PCGF3: variants seen among roughly 807,000 people sequenced by gnomAD.
PCGF3 encodes the protein polycomb group ring finger 3.
A neutral mutation model predicts 33.1 loss-of-function variants in PCGF3; 7 were observed. The observed-to-expected ratio is 0.21, with a 90% CI of 0.12 to 0.40. The LOEUF (loss-of-function observed/expected upper bound fraction) is 0.40, where lower values mean the gene tolerates loss of function less well. Ranked by LOEUF, PCGF3 falls within the 10% of genes least tolerant of loss-of-function variation. The probability of loss-of-function intolerance (pLI) is 1.00; values close to 1 mark genes in which losing one functional copy is unlikely to be tolerated. For missense variants in PCGF3, 211 were observed against 313.3 expected, an observed-to-expected ratio of 0.67 and a Z score of 2.46; for synonymous variants, 153 against 121.3, an observed-to-expected ratio of 1.26 and a Z score of -1.72.
At position 761,036 on chromosome 4, in the gene PCGF3, G is replaced by C. The variant is rs1001067784; in HGVS notation, c.463-243G>C. Among the ~76,000 whole-genome samples the C allele has an allele frequency of 2.6e-5, 4 of 152,322 alleles. No homozygotes were observed. In the South Asian group the frequency reaches 8.3e-4, roughly 32 times the overall value. On this transcript the variant is annotated intron_variant, in intron 8 of 10. Coordinates refer to ENST00000362003, the Ensembl canonical transcript of PCGF3. ...TGTGGGATTAACTCTCAACTATTAT[G>C]TTAATAACACAGAATTAACAGGGTG...
At chr4:742,585 A>T (rs1022671940) in intron 6 of PCGF3, among the ~76,000 whole-genome samples, 1 of 152,092 alleles carries the variant, frequency 6.6e-6, no homozygotes, top group Admixed American at 6.5e-5. Context: ...GGTGTGAACT[A>T]AGGTCACCCT....
chr4:765,939 G>T, intron 10 of PCGF3, 93 bp from the exon 11 acceptor site: 4 of 1,120,266 alleles, frequency 3.6e-6, no homozygotes, highest in Non-Finnish European at 5.4e-6. Flanking sequence ...TGTGCCTCAC[G>T]GGACGTGATT....
intron 1 of PCGF3, among the ~76,000 whole-genome samples, chr4:726,854 T>C (rs984209654): frequency 1.3e-5 from 2 of 152,336 alleles, no homozygotes; most frequent in East Asian, 1.9e-4. Context: ...TCCAGTTTCA[T>C]GGACTTGCCG....
chr4:710,596 G>C (rs1742522037), intron 1 of PCGF3, among the ~76,000 whole-genome samples: 1 of 152,250 alleles, frequency 6.6e-6, no homozygotes, highest in Non-Finnish European at 1.5e-5. Context: ...GGATGTGACT[G>C]TTCAGCTGTC....
At chr4:723,055 C>T (rs530301519) in intron 1 of PCGF3, among the ~76,000 whole-genome samples, 88 of 148,312 alleles carry the variant, frequency 5.9e-4, no homozygotes, top group African/African-American at 2.1e-3. Context: ...TCATCGCCAT[C>T]CACGCCGGGT....
At position 736,585 on chromosome 4, in the gene PCGF3, T is replaced by C. The variant is rs151044273; in HGVS notation, c.207-881T>C. ...GACGGTGTCCCCTGAGCGCACAGGA[T>C]GCAGGGAACCTGGGGTGTCCGCAGG... On this transcript the variant is annotated intron_variant, in intron 5 of 10. Coordinates refer to ENST00000362003, the Ensembl canonical transcript of PCGF3. Among the ~76,000 whole-genome samples, 377 of 79,936 alleles carry C rather than the reference T, an allele frequency of 4.7e-3. 15 individuals are homozygous for C. The highest frequency in any genetic ancestry group is 9.0e-3 in the African/African-American group (174 of 19,364). 52.4% of individuals were successfully genotyped at this position (79,936 alleles called of 152,430 possible). A position where few individuals can be genotyped will look rare whatever the true frequency, so the allele number is the denominator to read the frequency against.
chr4:731,601 T>TA (rs1278363018), intron 3 of PCGF3, among the ~76,000 whole-genome samples: 1 of 68,430 alleles, frequency 1.5e-5, no homozygotes. Context: ...AGGGCGGGGC[T>TA]CCCCTCCCCT....
intron 1 of PCGF3, among the ~76,000 whole-genome samples, chr4:716,323 G>A (rs28398031): frequency 7.7e-6 from 1 of 129,792 alleles, no homozygotes; most frequent in Non-Finnish European, 1.6e-5. Context: ...GGACCCTGTG[G>A]ACACTGCGAG....
intron 3 of PCGF3, among the ~76,000 whole-genome samples, chr4:732,798 C>A (rs1223684751): frequency 1.3e-5 from 2 of 152,240 alleles, no homozygotes; most frequent in African/African-American, 4.8e-5. Flanking sequence ...GGAGCGAAGT[C>A]CCAGTAGTGG....
At chr4:742,536 T>C (rs1744139477) in intron 6 of PCGF3, among the ~76,000 whole-genome samples, 1 of 152,230 alleles carries the variant, frequency 6.6e-6, no homozygotes, top group Admixed American at 6.5e-5. Context: ...CTACTGTGTG[T>C]TCCCGAGCAG....
intron 3 of PCGF3, chr4:731,361 G>A (rs1286766157): frequency 2.5e-5 from 10 of 399,472 alleles, no homozygotes; most frequent in Non-Finnish European, 4.4e-5. Flanking sequence ...GTTCACTTGG[G>A]TTCCCGGCGT....
At chr4:763,439 C>G (rs999796217) in intron 9 of PCGF3, among the ~76,000 whole-genome samples, 1 of 152,160 alleles carries the variant, frequency 6.6e-6, no homozygotes, top group Non-Finnish European at 1.5e-5. Flanking sequence ...GCCACTCAGG[C>G]AGGTGGGGCT....
At chr4:761,846 G>T in intron 9 of PCGF3, 1 of 985,460 alleles carries the variant, frequency 1.0e-6, no homozygotes, top group Non-Finnish European at 1.2e-6. Flanking sequence ...ACATGCCAGT[G>T]TGGGTCCCTG....
intron 5 of PCGF3, among the ~76,000 whole-genome samples, chr4:736,255 C>A (rs1474535725): frequency 6.6e-6 from 1 of 152,104 alleles, no homozygotes; most frequent in African/African-American, 2.4e-5. Context: ...ACCATGTTGG[C>A]CAGGCTGGTT....
chr4:743,389 ATTTTC>A, intron 6 of PCGF3, 80 bp from the exon 7 acceptor site: 1 of 774,792 alleles, frequency 1.3e-6, no homozygotes, highest in East Asian at 2.6e-5. Context: ...CAAATCCCTA[ATTTTC>A]TTTATGTGAT....
At chr4:750,011 G>T (rs1471375223) in intron 8 of PCGF3, among the ~76,000 whole-genome samples, 1 of 152,080 alleles carries the variant, frequency 6.6e-6, no homozygotes, top group Non-Finnish European at 1.5e-5. Context: ...TTGCTGTGTT[G>T]CCTAGGCCGG....
In PCGF3 at chr4:720,982, A is replaced by C. The variant is rs981431008; in HGVS notation, c.-189-9648A>C. ...CATGGTCCAGGGAGTGGCCGAGGAC[A>C]GCAAGGAGGAGATGACCCCATGGGC... On this transcript the variant is annotated intron_variant, in intron 1 of 10. Coordinates refer to ENST00000362003, the Ensembl canonical transcript of PCGF3. The surrounding 1 kb of genome is among the most constrained non-coding windows in gnomAD (Gnocchi z 5.6). Among the ~76,000 whole-genome samples, 1 of 152,166 alleles carries C rather than the reference A, an allele frequency of 6.6e-6. No homozygotes were observed. Among genetic ancestry groups the C allele is most frequent in the Non-Finnish European group, 1.5e-5 (1 of 68,024 alleles).
intron 1 of PCGF3, among the ~76,000 whole-genome samples, chr4:714,500 C>T (rs372932860): frequency 5.3e-5 from 8 of 152,212 alleles, no homozygotes; most frequent in East Asian, 1.9e-4. Context: ...TACTTCACGG[C>T]GTTACCTGAT....
At chr4:760,565 T>C (rs867591832) in intron 8 of PCGF3, among the ~76,000 whole-genome samples, 1 of 152,370 alleles carries the variant, frequency 6.6e-6, no homozygotes, top group African/African-American at 2.4e-5. Context: ...CATGTTTCAG[T>C]TAACCCCCTG....
Sources: gnomAD v4.1 joint callset for allele counts (sites outside exome capture counted in the v4.1 genomes callset) on GRCh38, gnomAD v4.1.1 for gene constraint, Gnocchi (gnomAD v3.1) non-coding constraint, MANE v1.5 for transcripts, NCBI Gene and HGNC (gene_info 2026-07-23, HGNC 2026-07-21) for gene names.